THSD7B: variants seen among roughly 807,000 people sequenced by gnomAD.
THSD7B encodes the protein thrombospondin type 1 domain containing 7B.
In THSD7B, 138 loss-of-function variants were observed where a neutral mutation model predicts 213.6. The ratio of observed to expected loss-of-function variants is 0.65; its 90% confidence interval spans 0.56 to 0.74. The LOEUF (loss-of-function observed/expected upper bound fraction) is 0.74, where lower values mean the gene tolerates loss of function less well. Among genes scored for constraint, THSD7B ranks in the 30% least tolerant of loss-of-function variants. The pLI is 0.00. For synonymous variants in THSD7B, 742 were observed against 687.0 expected (o/e 1.08, Z -1.25); for missense variants, 1,931 against 1,991.5 (o/e 0.97, Z 0.58).
intron 14 of THSD7B, among the ~76,000 whole-genome samples, chr2:137,436,540 T>C: frequency 6.6e-6 from 1 of 152,194 alleles, no homozygotes; most frequent in East Asian, 1.9e-4. Context: ...CAGTGCATGG[T>C]ATTCCATCTT....
chr2:136,958,633 A>C (rs1382810463), intron 2 of THSD7B, among the ~76,000 whole-genome samples: 1 of 152,216 alleles, frequency 6.6e-6, no homozygotes, highest in African/African-American at 2.4e-5. Flanking sequence ...GGAAGTTTAC[A>C]TTAGAGAAAG....
intron 3 of THSD7B, among the ~76,000 whole-genome samples, chr2:137,074,684 C>T (rs955601952): frequency 1.9e-4 from 29 of 152,186 alleles, no homozygotes; most frequent in East Asian, 1.4e-3. Context: ...CTAGCCTTGA[C>T]GGTCTTTACA....
chr2:137,621,383 A>G (rs1253847768), intron 20 of THSD7B, among the ~76,000 whole-genome samples: 1 of 152,230 alleles, frequency 6.6e-6, no homozygotes, highest in Non-Finnish European at 1.5e-5. Context: ...CAATAATGTT[A>G]CATTATCACA....
At position 136,829,304 on chromosome 2, in the gene THSD7B, C is replaced by T. The variant is rs77663208; in HGVS notation, c.-35-52840C>T. On this transcript the variant is annotated intron_variant, in intron 1 of 27. Transcript: ENST00000409968. The stretch of plus-strand genomic sequence containing the variant: ...GTGGAAGTTCAGCCACAGTGTTTTG[C>T]ACATAGCATCTCTTTTCTTGGCTTT... Among the ~76,000 whole-genome samples the T allele has an allele frequency of 2.3e-3, 350 of 152,180 alleles. 1 individual carries two copies. The highest frequency in any genetic ancestry group is 8.2e-3 in the African/African-American group (339 of 41,526).
intron 15 of THSD7B, among the ~76,000 whole-genome samples, chr2:137,495,813 A>G (rs1679548958): frequency 6.6e-6 from 1 of 152,188 alleles, no homozygotes; most frequent in Non-Finnish European, 1.5e-5. Context: ...TAGTGGGACA[A>G]AATATATGCC....
intron 12 of THSD7B, among the ~76,000 whole-genome samples, chr2:137,347,156 A>T (rs1684892939): frequency 6.6e-6 from 1 of 151,734 alleles, no homozygotes; most frequent in Admixed American, 6.6e-5. Flanking sequence ...CCCTTGCTTG[A>T]TGAGAAAGCA....
At chr2:137,518,607 C>T (rs895968615) in intron 15 of THSD7B, among the ~76,000 whole-genome samples, 1 of 152,144 alleles carries the variant, frequency 6.6e-6, no homozygotes, top group African/African-American at 2.4e-5. Context: ...CGGGTGACCT[C>T]AGCAAAGGAG....
chr2:137,637,749 T>C (rs1433981435), intron 20 of THSD7B, among the ~76,000 whole-genome samples: 1 of 152,202 alleles, frequency 6.6e-6, no homozygotes, highest in Non-Finnish European at 1.5e-5. Context: ...ATAAAATGGT[T>C]CTATAGTATT....
intron 4 of THSD7B, among the ~76,000 whole-genome samples, chr2:137,111,409 G>A (rs556412908): frequency 3.3e-5 from 5 of 152,206 alleles, no homozygotes; most frequent in African/African-American, 7.2e-5. Context: ...GCCATTTACC[G>A]TTTTAATCTG....
At chr2:137,008,107 C>A (rs528415322) in intron 2 of THSD7B, among the ~76,000 whole-genome samples, 6 of 151,566 alleles carry the variant, frequency 4.0e-5, no homozygotes, top group South Asian at 2.1e-4. Context: ...GTTGTATAAT[C>A]AAAAAAAAGA....
At chr2:137,606,920 G>T (rs986966369) in intron 17 of THSD7B, among the ~76,000 whole-genome samples, 4 of 152,008 alleles carry the variant, frequency 2.6e-5, no homozygotes, top group African/African-American at 9.7e-5. Context: ...GGACCCTTTG[G>T]GTGGCATATA....
chr2:137,431,397 C>T (rs1687183081), intron 14 of THSD7B, among the ~76,000 whole-genome samples: 3 of 152,158 alleles, frequency 2.0e-5, no homozygotes, highest in South Asian at 4.1e-4. Flanking sequence ...CAATAGATGA[C>T]AAATGTTTCC....
intron 12 of THSD7B, among the ~76,000 whole-genome samples, chr2:137,389,234 T>C (rs1484015399): frequency 7.3e-6 from 1 of 136,922 alleles, no homozygotes; most frequent in Non-Finnish European, 1.5e-5. Flanking sequence ...ATAATATATA[T>C]ATATAGAGAG....
intron 12 of THSD7B, among the ~76,000 whole-genome samples, chr2:137,375,188 G>A (rs1273781778): frequency 2.0e-5 from 3 of 151,938 alleles, no homozygotes; most frequent in South Asian, 2.1e-4. Context: ...AGAGTTTAGA[G>A]GTAAAAATAA....
intron 12 of THSD7B, among the ~76,000 whole-genome samples, chr2:137,331,325 A>G (rs998645753): frequency 1.3e-5 from 2 of 151,780 alleles, no homozygotes; most frequent in African/African-American, 4.8e-5. Flanking sequence ...TGGTGTATTT[A>G]CAATCCCTGA....
At chr2:137,131,166 A>C (rs1279805097) in intron 5 of THSD7B, among the ~76,000 whole-genome samples, 3 of 141,736 alleles carry the variant, frequency 2.1e-5, no homozygotes, top group African/African-American at 7.6e-5. Flanking sequence ...TTTTGGCTGC[A>C]TAAGTGTCTT....
At chr2:137,284,706 T>G (rs998546218) in intron 12 of THSD7B, among the ~76,000 whole-genome samples, 27 of 152,168 alleles carry the variant, frequency 1.8e-4, no homozygotes, top group Admixed American at 1.6e-3. Context: ...GTAGTTGAGT[T>G]GTTTTGAGTG....
chr2:137,207,528 T>G (rs1681011961), intron 7 of THSD7B, among the ~76,000 whole-genome samples: 1 of 152,064 alleles, frequency 6.6e-6, no homozygotes, highest in Non-Finnish European at 1.5e-5. Flanking sequence ...TGCAAATTGT[T>G]TGCAAGAAGA....
Position 137,636,245 on chromosome 2 carries a change from G to A in THSD7B, c.3800-6243G>A, listed in dbSNP as rs537720312. On this transcript the variant is annotated intron_variant, in intron 20 of 27. Coordinates refer to ENST00000409968, the MANE Select transcript of THSD7B (RefSeq NM_001316349.2). ...TCATTGCAAATCAGGGGATTTGTTG[G>A]TCTATCTTTAGCTGTAAATTAAACG... Among the ~76,000 whole-genome samples the A allele has an allele frequency of 2.0e-5, 3 of 152,056 alleles. No individual in the cohort carries two copies. The South Asian group carries it at 6.3e-4, about 32-fold the overall frequency.
Sources: gnomAD v4.1 joint callset for allele counts (sites outside exome capture counted in the v4.1 genomes callset) on GRCh38, gnomAD v4.1.1 for gene constraint, MANE v1.5 for transcripts, NCBI Gene and HGNC (gene_info 2026-07-23, HGNC 2026-07-21) for gene names.